SOX6: variants seen among roughly 807,000 people sequenced by gnomAD.
SOX6 encodes the protein SRY-box transcription factor 6, also known as transcription factor SOX-6.
A neutral mutation model predicts 97.8 loss-of-function variants in SOX6; 11 were observed. The ratio of observed to expected loss-of-function variants is 0.11; its 90% CI spans 0.07 to 0.19. The LOEUF is 0.19. SOX6 is among the 10% of genes least tolerant of loss of function. SOX6 has a pLI of 1.00. For missense variants in SOX6, 810 were observed against 1,039.5 expected, an observed-to-expected ratio of 0.78 and a Z score of 3.04; for synonymous variants, 360 against 371.4, an observed-to-expected ratio of 0.97 and a Z score of 0.35.
intron 6 of SOX6, among the ~76,000 whole-genome samples, chr11:16,151,868 C>A (rs1850466537): frequency 6.6e-6 from 1 of 152,172 alleles, no homozygotes; most frequent in Non-Finnish European, 1.5e-5. Context: ...ACATAACCAA[C>A]TGCAACTGCT....
chr11:16,639,771 CTT>C (rs1476777770), intron 3 of SOX6, among the ~76,000 whole-genome samples: 1 of 152,120 alleles, frequency 6.6e-6, no homozygotes, highest in African/African-American at 2.4e-5. Context: ...TATCCTGAGA[CTT>C]TGCTGAAGTT....
intron 7 of SOX6, among the ~76,000 whole-genome samples, chr11:16,100,897 G>C (rs1405982981): frequency 6.6e-6 from 1 of 151,544 alleles, no homozygotes; most frequent in Non-Finnish European, 1.5e-5. Context: ...AATTTAGAAA[G>C]TTTGGAAGGA....
At chr11:16,647,502 G>A (rs962703169) in intron 3 of SOX6, among the ~76,000 whole-genome samples, 8 of 152,178 alleles carry the variant, frequency 5.3e-5, no homozygotes, top group Non-Finnish European at 1.0e-4. Flanking sequence ...GCATATAGGA[G>A]ACAGGGCTAA....
At chr11:16,402,345 A>C (rs1858582626) in intron 1 of SOX6, among the ~76,000 whole-genome samples, 1 of 151,658 alleles carries the variant, frequency 6.6e-6, no homozygotes, top group African/African-American at 2.4e-5. Flanking sequence ...TTTCTTTCAT[A>C]TTTATCATTC....
chr11:16,602,866 C>T (rs1848287004), intron 4 of SOX6, among the ~76,000 whole-genome samples: 1 of 151,966 alleles, frequency 6.6e-6, no homozygotes, highest in African/African-American at 2.4e-5. Flanking sequence ...CACAAAAATA[C>T]AAAAATTAGC....
intron 15 of SOX6, among the ~76,000 whole-genome samples, chr11:15,973,413 A>G (rs1853375505): frequency 6.6e-6 from 1 of 152,354 alleles, no homozygotes; most frequent in South Asian, 2.1e-4. Flanking sequence ...GGCATTAGGA[A>G]CAAATGATGT....
chr11:16,442,454 C>T (rs928725693), intron 1 of SOX6, among the ~76,000 whole-genome samples: 5 of 152,088 alleles, frequency 3.3e-5, no homozygotes, highest in Admixed American at 3.3e-4. Context: ...CAAAGTTATG[C>T]CCAGCTAACA....
Position 16,391,445 on chromosome 11 carries a change from C to G in SOX6, c.-4-50193G>C, listed in dbSNP as rs189636510. Among the ~76,000 whole-genome samples the G allele has an allele frequency of 2.0e-5, 3 of 152,216 alleles. No homozygotes were observed. The East Asian group carries it at 5.8e-4, about 29-fold the overall frequency. On this transcript the variant is annotated intron_variant, in intron 1 of 15. Transcript: ENST00000396356. The stretch of plus-strand genomic sequence containing the variant: ...TTAGTTTATGTGTCTGTCTTGCTGA[C>G]AAATTTGTAAGATTCTTGCAAGAAT...
intron 3 of SOX6, among the ~76,000 whole-genome samples, chr11:16,636,480 G>C (rs766317061): frequency 1.9e-4 from 29 of 152,176 alleles, no homozygotes; most frequent in Middle Eastern, 6.3e-3. Context: ...AGGTAGAAGG[G>C]ACTTGCCTTG....
At chr11:16,425,770 T>C (rs1030331978) in intron 1 of SOX6, among the ~76,000 whole-genome samples, 3 of 151,980 alleles carry the variant, frequency 2.0e-5, no homozygotes, top group Admixed American at 6.6e-5. Context: ...AGGTGAAAGA[T>C]CTCTACAAGG....
intron 3 of SOX6, among the ~76,000 whole-genome samples, chr11:16,636,316 T>C (rs768604876): frequency 6.6e-6 from 1 of 152,168 alleles, no homozygotes. Flanking sequence ...AGCTTTAAGA[T>C]TTGACTGTCC....
At chr11:16,619,311 C>G (rs902066326) in intron 3 of SOX6, among the ~76,000 whole-genome samples, 1 of 150,168 alleles carries the variant, frequency 6.7e-6, no homozygotes, top group Admixed American at 6.6e-5. Flanking sequence ...GAACCAGGCA[C>G]CATGCTCTGT....
intron 1 of SOX6, among the ~76,000 whole-genome samples, chr11:16,451,561 T>C (rs1413111262): frequency 6.6e-6 from 1 of 152,164 alleles, no homozygotes; most frequent in African/African-American, 2.4e-5. Context: ...CCGTTAGTAA[T>C]ATCTTTCTTT....
chr11:16,641,135 A>C (rs954443918), intron 3 of SOX6, among the ~76,000 whole-genome samples: 1 of 152,206 alleles, frequency 6.6e-6, no homozygotes, highest in African/African-American at 2.4e-5. Flanking sequence ...GTTTCGAAGA[A>C]TATCTTTATT....
chr11:16,371,575 T>C (rs1435369728), intron 1 of SOX6, among the ~76,000 whole-genome samples: 2 of 151,978 alleles, frequency 1.3e-5, no homozygotes, highest in Admixed American at 6.6e-5. Context: ...CCCCAGCTGG[T>C]GCCTAGCAAT....
At chr11:16,522,577 G>A (rs937630196) in intron 4 of SOX6, among the ~76,000 whole-genome samples, 5 of 151,184 alleles carry the variant, frequency 3.3e-5, no homozygotes, top group African/African-American at 9.7e-5. Context: ...ATCAACTAAC[G>A]AGCAAAATAA....
intron 2 of SOX6, among the ~76,000 whole-genome samples, chr11:16,339,634 T>C (rs1287415556): frequency 1.3e-5 from 2 of 152,042 alleles, no homozygotes; most frequent in Non-Finnish European, 2.9e-5. Flanking sequence ...TATATTTATT[T>C]AATTTCTATT....
rs569295108 is a variant in SOX6, at chr11:16,710,831, C to CAT, written n.429+3997_429+3998dup. Among the ~76,000 whole-genome samples the CAT allele has an allele frequency of 3.9e-3, 601 of 152,252 alleles. 2 individuals are homozygous for CAT. The highest frequency in any genetic ancestry group is 7.3e-3 in the Non-Finnish European group (499 of 68,002). ...TCTACTTTGTTTCTTGGTATTTCCA[C>CAT]ATATATATCTCAAAAACATTATAAA... is the stretch of plus-strand genomic sequence containing the variant. On this transcript the variant is annotated intron_variant and non_coding_transcript_variant, in intron 3 of 5. Transcript: ENST00000524520.
intron 1 of SOX6, chr11:16,382,256 A>G (rs1857844782): frequency 6.6e-6 from 1 of 152,008 alleles, no homozygotes; most frequent in African/African-American, 2.4e-5. Context: ...ATCTGTACAC[A>G]TAAAGAACAG....
Sources: gnomAD v4.1 joint callset for allele counts (sites outside exome capture counted in the v4.1 genomes callset) on GRCh38, gnomAD v4.1.1 for gene constraint, MANE v1.5 for transcripts, NCBI Gene and HGNC (gene_info 2026-07-23, HGNC 2026-07-21) for gene names.